The following CTNNA2 variants were observed in gnomAD, a reference collection of about 807,000 sequenced individuals.
The protein encoded by CTNNA2 is catenin alpha 2, also known as catenin alpha-2.
A neutral mutation model predicts 101.0 loss-of-function variants in CTNNA2; 42 were observed. That is an observed-to-expected ratio of 0.42 (90% CI 0.32 to 0.54). CTNNA2 has a LOEUF of 0.54. Among genes scored for constraint, CTNNA2 ranks in the 20% least tolerant of loss-of-function variants. The pLI is 0.14. For missense variants in CTNNA2, 871 were observed against 1,223.1 expected, an observed-to-expected ratio of 0.71 and a Z score of 4.29; for synonymous variants, 450 against 456.4, an observed-to-expected ratio of 0.99 and a Z score of 0.18.
chr2:79,640,528 T>C (rs375774303), intron 1 of CTNNA2, among the ~76,000 whole-genome samples: 4 of 152,204 alleles, frequency 2.6e-5, no homozygotes, highest in Non-Finnish European at 4.4e-5. Flanking sequence ...AAAGTAAACC[T>C]GAAGTATAAA....
intron 1 of CTNNA2, among the ~76,000 whole-genome samples, chr2:79,620,129 G>A (rs1419225279): frequency 6.6e-6 from 1 of 151,946 alleles, no homozygotes; most frequent in Non-Finnish European, 1.5e-5. Flanking sequence ...ATCTATTTAT[G>A]TCAGTGTGTG....
chr2:80,602,908 G>C (rs890400587), intron 15 of CTNNA2, among the ~76,000 whole-genome samples: 3 of 152,040 alleles, frequency 2.0e-5, no homozygotes, highest in Non-Finnish European at 4.4e-5. Flanking sequence ...AAAAATCCAA[G>C]AAGGTGAGTT....
At chr2:79,939,979 C>T (rs757989242) in intron 7 of CTNNA2, among the ~76,000 whole-genome samples, 2 of 152,182 alleles carry the variant, frequency 1.3e-5, no homozygotes, top group Admixed American at 6.5e-5. Flanking sequence ...GCAGTCTCAG[C>T]TACTTGGGAG....
chr2:80,149,578 GCCATAGAAATACC>G lies in CTNNA2; in HGVS notation c.1056+239784_1056+239796del, dbSNP rs1703562329. Among the ~76,000 whole-genome samples, 3 of 152,062 alleles carry G rather than the reference GCCATAGAAATACC, an allele frequency of 2.0e-5. No individual in the cohort carries two copies. The South Asian group carries it at 6.2e-4, about 32-fold the overall frequency. On this transcript the variant is annotated intron_variant, in intron 7 of 18. Transcript: ENST00000402739. ...GCCCTTGTAGTGCTCCAGGCATTAGGCCATAGAAATACCCCTTAATATGCACCATTTGTGTAGC... is the reference window on the plus strand; with the variant it reads ...GCCCTTGTAGTGCTCCAGGCATTAGGCCTTAATATGCACCATTTGTGTAGC...
At chr2:79,281,050 C>A (rs565735819) in intron 2 of CTNNA2, among the ~76,000 whole-genome samples, 4 of 152,180 alleles carry the variant, frequency 2.6e-5, no homozygotes, top group Admixed American at 2.0e-4. Flanking sequence ...TCCTACCCCC[C>A]ACATCCTTAT....
intron 2 of CTNNA2, among the ~76,000 whole-genome samples, chr2:79,264,144 C>G (rs1189310903): frequency 6.6e-6 from 1 of 152,082 alleles, no homozygotes; most frequent in Non-Finnish European, 1.5e-5. Context: ...AGGAGGGAAA[C>G]ATAAGTACCA....
chr2:79,194,193 C>T (rs1447407315), intron 1 of CTNNA2, among the ~76,000 whole-genome samples: 1 of 152,132 alleles, frequency 6.6e-6, no homozygotes, highest in Non-Finnish European at 1.5e-5. Flanking sequence ...CTAAGCACAG[C>T]TGTAAGAATA....
intron 7 of CTNNA2, chr2:80,304,557 C>G (rs1676717808): frequency 6.5e-6 from 1 of 153,148 alleles, no homozygotes; most frequent in South Asian, 1.8e-4. Context: ...TCCGCGGAAA[C>G]AGCCTGCCAT....
intron 7 of CTNNA2, among the ~76,000 whole-genome samples, chr2:80,115,456 C>G (rs74426716): frequency 0.014 from 2,112 of 152,270 alleles, 44 homozygotes; most frequent in African/African-American, 0.045. Flanking sequence ...AGATTGGGCT[C>G]TCAAGGAGCT....
intron 3 of CTNNA2, among the ~76,000 whole-genome samples, chr2:79,327,157 A>G (rs770547783): frequency 7.2e-5 from 11 of 152,220 alleles, no homozygotes; most frequent in Non-Finnish European, 1.0e-4. Context: ...TATCTTTGGT[A>G]GCCTGTCTTA....
intron 7 of CTNNA2, among the ~76,000 whole-genome samples, chr2:80,157,198 G>A (rs1558860479): frequency 6.6e-6 from 1 of 152,152 alleles, no homozygotes; most frequent in Non-Finnish European, 1.5e-5. Context: ...TCCTCCATAA[G>A]AGGGGATGAA....
intron 7 of CTNNA2, among the ~76,000 whole-genome samples, chr2:80,038,633 G>T (rs1004367145): frequency 2.6e-5 from 4 of 152,102 alleles, no homozygotes; most frequent in African/African-American, 9.7e-5. Context: ...ATCACTTGAG[G>T]TCAGGAGTTC....
intron 7 of CTNNA2, among the ~76,000 whole-genome samples, chr2:80,100,280 G>T (rs1259132508): frequency 3.9e-5 from 6 of 152,128 alleles, no homozygotes; most frequent in Non-Finnish European, 8.8e-5. Flanking sequence ...ACTAAAGTTT[G>T]CAGACACTAT....
intron 3 of CTNNA2, among the ~76,000 whole-genome samples, chr2:79,793,405 G>A (rs1675436394): frequency 1.3e-5 from 2 of 152,194 alleles, no homozygotes; most frequent in Admixed American, 6.5e-5. Flanking sequence ...CCAACTGAGG[G>A]TACCTGAGCC....
At chr2:79,203,408 A>C (rs1263841295) in intron 2 of CTNNA2, among the ~76,000 whole-genome samples, 2 of 152,196 alleles carry the variant, frequency 1.3e-5, no homozygotes, top group East Asian at 3.9e-4. Flanking sequence ...GTCAAAAAGC[A>C]CAAACATATA....
At chr2:80,381,180 G>A (rs1676483416) in intron 7 of CTNNA2, among the ~76,000 whole-genome samples, 1 of 151,690 alleles carries the variant, frequency 6.6e-6, no homozygotes, top group Admixed American at 6.6e-5. Context: ...TGCTGGGGTT[G>A]GGGGCAGCCT....
intron 4 of CTNNA2, chr2:79,493,590 T>C (rs1671225908): frequency 6.6e-6 from 1 of 152,268 alleles, no homozygotes; most frequent in African/African-American, 2.4e-5. Flanking sequence ...CACTCCAGCC[T>C]GGGCAACAAC....
rs138693062 is a variant in CTNNA2 at position 80,547,305 on chromosome 2, G to T, written c.1540+1242G>T. ...GTGACTAGAATTTACCTTACTCTCTGCTGCTTGATTTAATTCTCATCAAAA... is the reference window on the plus strand; with the variant it reads ...GTGACTAGAATTTACCTTACTCTCTTCTGCTTGATTTAATTCTCATCAAAA... On this transcript the variant is annotated intron_variant, in intron 11 of 18. Transcript: ENST00000402739. 1.0e-3 allele frequency among the ~76,000 whole-genome samples: 156 copies of T among 152,182 alleles called. 1 individual carries two copies. The highest frequency in any genetic ancestry group is 3.6e-3 in the African/African-American group (148 of 41,526).
At chr2:79,417,326 T>G (rs1343206615) in intron 4 of CTNNA2, among the ~76,000 whole-genome samples, 1 of 152,146 alleles carries the variant, frequency 6.6e-6, no homozygotes, top group East Asian at 1.9e-4. Context: ...TTACTAAGAT[T>G]GGAAGCAAAT....
Sources: gnomAD v4.1 joint callset for allele counts (sites outside exome capture counted in the v4.1 genomes callset) on GRCh38, gnomAD v4.1.1 for gene constraint, MANE v1.5 for transcripts, NCBI Gene and HGNC (gene_info 2026-07-23, HGNC 2026-07-21) for gene names.